The following CNTNAP2 variants were observed in gnomAD, a reference collection of about 807,000 sequenced individuals.
CNTNAP2 encodes contactin-associated protein-like 2.
A neutral mutation model predicts 155.2 loss-of-function variants in CNTNAP2; 98 were observed. The ratio of observed to expected loss-of-function variants is 0.63; its 90% CI spans 0.54 to 0.75. The LOEUF (loss-of-function observed/expected upper bound fraction) is 0.75. CNTNAP2 is among the 30% of genes least tolerant of loss of function. The pLI is 0.00. For synonymous variants in CNTNAP2, 651 were observed against 631.2 expected, an observed-to-expected ratio of 1.03 and a Z score of -0.47; for missense variants, 1,727 against 1,688.1, an observed-to-expected ratio of 1.02 and a Z score of -0.40.
intron 13 of CNTNAP2, chr7:147,831,843 T>C (rs1798550196): frequency 6.6e-6 from 1 of 152,072 alleles, no homozygotes; most frequent in Non-Finnish European, 1.5e-5. Context: ...TGCACAAGAA[T>C]GACACATAAA....
intron 9 of CNTNAP2, among the ~76,000 whole-genome samples, chr7:147,394,074 T>C (rs1796768429): frequency 6.6e-6 from 1 of 152,020 alleles, no homozygotes; most frequent in South Asian, 2.1e-4. Flanking sequence ...ATAATCCCTG[T>C]ATGTCATGGG....
At chr7:146,898,151 A>G (rs182156719) in intron 3 of CNTNAP2, among the ~76,000 whole-genome samples, 1 of 152,244 alleles carries the variant, frequency 6.6e-6, no homozygotes, top group African/African-American at 2.4e-5. Context: ...TACAAACAGT[A>G]TATAACTTAT....
chr7:146,999,112 G>A (rs1798373754), intron 3 of CNTNAP2, among the ~76,000 whole-genome samples: 1 of 150,928 alleles, frequency 6.6e-6, no homozygotes, highest in Admixed American at 6.6e-5. Flanking sequence ...CATGAAAATT[G>A]TTTTATTCTT....
chr7:147,997,725 G>A (rs1018681245), intron 15 of CNTNAP2, among the ~76,000 whole-genome samples: 1 of 152,180 alleles, frequency 6.6e-6, no homozygotes, highest in Non-Finnish European at 1.5e-5. Flanking sequence ...AGAAAAGATT[G>A]GCGGGAGGGA....
chr7:147,146,128 A>T (rs1029986307), intron 8 of CNTNAP2: 2 of 152,210 alleles, frequency 1.3e-5, no homozygotes, highest in Middle Eastern at 3.2e-3. Flanking sequence ...ATGAAAATTT[A>T]ATTATATTAC....
At chr7:147,855,614 C>T (rs1369649971) in intron 13 of CNTNAP2, among the ~76,000 whole-genome samples, 2 of 151,716 alleles carry the variant, frequency 1.3e-5, no homozygotes, top group African/African-American at 4.8e-5. Flanking sequence ...TGGTAAAACC[C>T]GGTCTCTACT....
intron 1 of CNTNAP2, among the ~76,000 whole-genome samples, chr7:146,532,447 T>C (rs1255344564): frequency 6.6e-6 from 1 of 152,170 alleles, no homozygotes; most frequent in Admixed American, 6.5e-5. Flanking sequence ...TCTAACTTTT[T>C]TTTCTTTCCT....
At chr7:147,833,995 C>A (rs1043286009) in intron 13 of CNTNAP2, among the ~76,000 whole-genome samples, 1 of 152,200 alleles carries the variant, frequency 6.6e-6, no homozygotes, top group Admixed American at 6.5e-5. Flanking sequence ...GGAAGGTACA[C>A]ATCTGAAAGA....
At chr7:148,062,239 G>C (rs1025590293) in intron 15 of CNTNAP2, among the ~76,000 whole-genome samples, 1 of 151,746 alleles carries the variant, frequency 6.6e-6, no homozygotes, top group African/African-American at 2.4e-5. Flanking sequence ...AATAATTAAA[G>C]GAAAAACCGG....
intron 20 of CNTNAP2, among the ~76,000 whole-genome samples, chr7:148,243,907 G>A (rs1796205663): frequency 6.6e-6 from 1 of 152,202 alleles, no homozygotes; most frequent in South Asian, 2.1e-4. Context: ...CTTTTACAGA[G>A]GTTTTATGAG....
At chr7:147,284,238 C>CTT in intron 8 of CNTNAP2, among the ~76,000 whole-genome samples, 1 of 151,322 alleles carries the variant, frequency 6.6e-6, no homozygotes, top group South Asian at 2.1e-4. Context: ...GTATTCTAGT[C>CTT]TTTTTTTTAA....
intron 18 of CNTNAP2, among the ~76,000 whole-genome samples, chr7:148,196,070 C>T (rs1795272606): frequency 6.6e-6 from 1 of 152,192 alleles, no homozygotes; most frequent in Non-Finnish European, 1.5e-5. Context: ...TATTCGCAAA[C>T]ACTAATTGAA....
intron 3 of CNTNAP2, among the ~76,000 whole-genome samples, chr7:146,961,408 G>C (rs777546877): frequency 1.3e-5 from 2 of 152,194 alleles, no homozygotes; most frequent in Non-Finnish European, 2.9e-5. Flanking sequence ...TAACAATTTT[G>C]CTGTGACCTG....
chr7:147,310,875 C>T (rs558902953), intron 9 of CNTNAP2, among the ~76,000 whole-genome samples: 1 of 152,034 alleles, frequency 6.6e-6, no homozygotes, highest in Non-Finnish European at 1.5e-5. Context: ...GAAGGACAAG[C>T]GGGAATTTAT....
Position 146,886,623 on chromosome 7 carries a change from T to C in CNTNAP2, c.402+46719T>C, listed in dbSNP as rs576251702. 2.0e-5 allele frequency among the ~76,000 whole-genome samples: 3 copies of C among 152,110 alleles called. No homozygotes were observed. In the East Asian group the frequency reaches 5.8e-4, roughly 29 times the overall value. ...ATGTTAATTGATGATCACATCTTTTTCTTTTTAGGCATTTCAAATTTTGTA... is the reference window on the plus strand; with the variant it reads ...ATGTTAATTGATGATCACATCTTTTCCTTTTTAGGCATTTCAAATTTTGTA... On this transcript the variant is annotated intron_variant, in intron 3 of 23. Coordinates refer to ENST00000361727, the MANE Select transcript of CNTNAP2 (RefSeq NM_014141.6).
rs550851752 is a variant in CNTNAP2, at chr7:146,504,915, A to T, written c.98-269356A>T. ...ATCACACCTTTGGTGTGGTGATAAC[A>T]TATTATATGTGTTCAGACTATGGCA... On this transcript the variant is annotated intron_variant, in intron 1 of 23. Transcript: ENST00000361727. Among the ~76,000 whole-genome samples the T allele has an allele frequency of 3.9e-5, 6 of 152,248 alleles. No homozygotes were observed. In the East Asian group the frequency reaches 1.2e-3, roughly 29 times the overall value.
chr7:147,798,327 A>G (rs1414790283), intron 13 of CNTNAP2, among the ~76,000 whole-genome samples: 3 of 152,182 alleles, frequency 2.0e-5, no homozygotes, highest in Admixed American at 1.3e-4. Context: ...CAGCTTTATT[A>G]GTAGGTCAAT....
chr7:148,134,079 G>A (rs1366092554), intron 16 of CNTNAP2, among the ~76,000 whole-genome samples: 1 of 152,192 alleles, frequency 6.6e-6, no homozygotes, highest in South Asian at 2.1e-4. Flanking sequence ...TATCTGTTAA[G>A]AGTTTGACAA....
intron 13 of CNTNAP2, among the ~76,000 whole-genome samples, chr7:147,801,738 C>G (rs867016958): frequency 3.9e-5 from 6 of 152,204 alleles, no homozygotes; most frequent in East Asian, 1.9e-4. Context: ...TACACAGACA[C>G]GGCAACCATC....
Sources: allele counts gnomAD v4.1 joint callset (sites outside exome capture counted in the v4.1 genomes callset), GRCh38; gene constraint gnomAD v4.1.1; transcripts MANE v1.5; gene names NCBI Gene and HGNC (gene_info 2026-07-23, HGNC 2026-07-21).